The following CADM2 variants were observed in gnomAD, a reference collection of about 807,000 sequenced individuals.
CADM2 encodes immunoglobulin superfamily member 4D.
Under a neutral mutation model 49.8 loss-of-function variants are expected in CADM2, and 12 were observed. That is an observed-to-expected ratio of 0.24 (90% CI 0.15 to 0.39). CADM2 has a LOEUF of 0.39. Ranked by LOEUF, CADM2 falls within the 10% of genes least tolerant of loss-of-function variation. The pLI is 1.00. For missense variants in CADM2, 378 were observed against 492.3 expected (o/e 0.77, Z 2.20); for synonymous variants, 214 against 175.4 (o/e 1.22, Z -1.74).
chr3:85,567,290 A>C (rs540679676), intron 1 of CADM2, among the ~76,000 whole-genome samples: 1 of 152,202 alleles, frequency 6.6e-6, no homozygotes, highest in Non-Finnish European at 1.5e-5. Flanking sequence ...GCAATGTACA[A>C]CATACAAACC....
intron 4 of CADM2, among the ~76,000 whole-genome samples, chr3:85,884,194 T>C (rs542782981): frequency 6.6e-6 from 1 of 152,188 alleles, no homozygotes; most frequent in Non-Finnish European, 1.5e-5. Flanking sequence ...CTGCATTTCA[T>C]TGAAACACAC....
At chr3:84,978,529 A>C (rs541563243) in intron 1 of CADM2, among the ~76,000 whole-genome samples, 1 of 152,258 alleles carries the variant, frequency 6.6e-6, no homozygotes, top group East Asian at 1.9e-4. Context: ...TACTTGAAAA[A>C]CATTTGTAAT....
At chr3:85,631,616 G>T (rs1366413627) in intron 1 of CADM2, among the ~76,000 whole-genome samples, 1 of 151,990 alleles carries the variant, frequency 6.6e-6, no homozygotes, top group Non-Finnish European at 1.5e-5. Context: ...TTTCTCCCAC[G>T]AATTAATTTT....
intron 1 of CADM2, among the ~76,000 whole-genome samples, chr3:85,680,503 T>A (rs1261222886): frequency 6.6e-6 from 1 of 152,184 alleles, no homozygotes; most frequent in Non-Finnish European, 1.5e-5. Context: ...TCTGCAATGT[T>A]CCTTGGTGTG....
In CADM2 at chr3:85,250,275, A is replaced by G. The variant is rs530137306; in HGVS notation, c.61+290607A>G. 1.3e-3 allele frequency among the ~76,000 whole-genome samples: 202 copies of G among 151,820 alleles called. 2 individuals are homozygous for G. The highest frequency in any genetic ancestry group is 4.4e-3 in the African/African-American group (184 of 41,538). On this transcript the variant is annotated intron_variant, in intron 1 of 9. Transcript: ENST00000383699. ...AGTAAATGGAAATTATTTGTATTATAAGAAACTCTTAATATATATAGGTAT... is the reference window on the plus strand; with the variant it reads ...AGTAAATGGAAATTATTTGTATTATGAGAAACTCTTAATATATATAGGTAT...
intron 2 of CADM2, among the ~76,000 whole-genome samples, chr3:85,760,811 G>A (rs1037893590): frequency 3.9e-5 from 6 of 152,084 alleles, no homozygotes; most frequent in African/African-American, 1.4e-4. Flanking sequence ...TTCCTTGGAA[G>A]GTTAGTTAAT....
At chr3:85,873,249 A>T (rs2075997389) in intron 3 of CADM2, among the ~76,000 whole-genome samples, 2 of 152,206 alleles carry the variant, frequency 1.3e-5, no homozygotes, top group South Asian at 4.1e-4. Context: ...TAACAAAACT[A>T]CTAAATGTTA....
intron 1 of CADM2, among the ~76,000 whole-genome samples, chr3:85,258,615 G>A (rs557503891): frequency 6.6e-6 from 1 of 152,074 alleles, no homozygotes; most frequent in East Asian, 1.9e-4. Context: ...CCCTGAAAAC[G>A]AAACAAATGT....
At chr3:85,057,581 T>C (rs1171527793) in intron 1 of CADM2, among the ~76,000 whole-genome samples, 1 of 150,100 alleles carries the variant, frequency 6.7e-6, no homozygotes, top group Admixed American at 6.6e-5. Context: ...TTTCTTGAGA[T>C]TTTTTTCTTT....
At position 85,419,449 on chromosome 3, in the gene CADM2, C is replaced by T. The variant is rs538005826; in HGVS notation, c.62-307073C>T. On this transcript the variant is annotated intron_variant, in intron 1 of 9. Coordinates refer to ENST00000383699, the MANE Select transcript of CADM2 (RefSeq NM_001167675.2). ...CTCCAGCCTGGGCGACAGAGCAAGA[C>T]TCCGTCTCGAAAAAAAAAAAAAAAT... 1.5e-4 allele frequency among the ~76,000 whole-genome samples: 17 copies of T among 112,394 alleles called. No individual in the cohort carries two copies. In the South Asian group the frequency reaches 2.8e-3, roughly 19 times the overall value. 73.7% of individuals were successfully genotyped at this position (112,394 alleles called of 152,430 possible).
intron 1 of CADM2, among the ~76,000 whole-genome samples, chr3:85,599,580 AC>A (rs2107385055): frequency 6.6e-6 from 1 of 152,120 alleles, no homozygotes; most frequent in South Asian, 2.1e-4. Context: ...ATAAAAGTGT[AC>A]TGCCTTGGCA....
intron 1 of CADM2, among the ~76,000 whole-genome samples, chr3:85,481,065 G>A (rs1325611006): frequency 1.3e-5 from 2 of 151,048 alleles, no homozygotes; most frequent in Non-Finnish European, 3.0e-5. Flanking sequence ...GCCTATATTT[G>A]CACACAAAAG....
intron 2 of CADM2, among the ~76,000 whole-genome samples, chr3:85,797,232 A>C (rs1327018793): frequency 6.6e-6 from 1 of 151,950 alleles, no homozygotes; most frequent in African/African-American, 2.4e-5. Flanking sequence ...TATTTTTTGG[A>C]TAGAAACCAT....
At chr3:85,741,177 T>G (rs1315706921) in intron 2 of CADM2, among the ~76,000 whole-genome samples, 2 of 152,162 alleles carry the variant, frequency 1.3e-5, no homozygotes, top group Non-Finnish European at 2.9e-5. Flanking sequence ...GCTAAGCATC[T>G]GAGATGTTTA....
chr3:85,878,595 A>G (rs1440852276), intron 3 of CADM2, among the ~76,000 whole-genome samples: 2 of 152,128 alleles, frequency 1.3e-5, no homozygotes, highest in Non-Finnish European at 2.9e-5. Flanking sequence ...TTCAGTTCTC[A>G]TCATAATCCA....
At chr3:85,814,039 T>C (rs181963021) in intron 3 of CADM2, among the ~76,000 whole-genome samples, 2 of 152,154 alleles carry the variant, frequency 1.3e-5, no homozygotes, top group Non-Finnish European at 2.9e-5. Context: ...TTTGGTTCCA[T>C]ATGAAGTTTA....
At chr3:86,066,360 A>AAAAAAAAAAAAAAT (rs1739336685) in intron 9 of CADM2, among the ~76,000 whole-genome samples, 1 of 137,886 alleles carries the variant, frequency 7.3e-6, no homozygotes, top group African/African-American at 2.7e-5. Flanking sequence ...AAAAAAAAAG[A>AAAAAAAAAAAAAAT]TCTTAACAAA....
chr3:85,935,723 T>G (rs778330471), intron 6 of CADM2, 44 bp from the exon 7 acceptor site: 62 of 1,040,978 alleles, frequency 6.0e-5, no homozygotes, highest in Non-Finnish European at 1.2e-5. Flanking sequence ...ATATCTAGTT[T>G]TGTATGTGTT....
At chr3:85,411,071 A>G (rs890570087) in intron 1 of CADM2, among the ~76,000 whole-genome samples, 3 of 152,220 alleles carry the variant, frequency 2.0e-5, no homozygotes, top group Non-Finnish European at 4.4e-5. Context: ...TGAAGTACAA[A>G]AATGCATTCT....
Sources: allele counts gnomAD v4.1 joint callset (sites outside exome capture counted in the v4.1 genomes callset), GRCh38; gene constraint gnomAD v4.1.1; transcripts MANE v1.5; gene names NCBI Gene and HGNC (gene_info 2026-07-23, HGNC 2026-07-21).